LRRC56: variants seen among roughly 807,000 people sequenced by gnomAD.
LRRC56 encodes leucine rich repeat containing 56, also known as leucine-rich repeat-containing protein 56.
LRRC56 carries 41 observed loss-of-function variants against 47.8 expected under a neutral mutation model. The observed-to-expected ratio is 0.86, with a 90% CI of 0.67 to 1.11. LRRC56 has a LOEUF of 1.11. LRRC56 is among the 50% of genes most tolerant of loss of function. The pLI is 0.00. For missense variants in LRRC56, 759 were observed against 704.2 expected, an observed-to-expected ratio of 1.08 and a Z score of -0.88; for synonymous variants, 387 against 311.2, an observed-to-expected ratio of 1.24 and a Z score of -2.56.
intron 8 of LRRC56, 108 bp downstream of exon 8, chr11:550,380 C>T (rs1589816340): frequency 1.2e-5 from 12 of 1,026,496 alleles, no homozygotes; most frequent in Non-Finnish European, 1.4e-5. Context: ...CCCACCCGCA[C>T]CCTATGGCCT....
intron 5 of LRRC56, among the ~76,000 whole-genome samples, chr11:542,508 G>A (rs1008930208): frequency 2.7e-5 from 4 of 149,632 alleles, no homozygotes; most frequent in Admixed American, 1.3e-4. Context: ...TAGGAGGTGG[G>A]GAGGTCAAGC....
intron 5 of LRRC56, 63 bp from the exon 6 acceptor site, chr11:544,657 G>T: frequency 6.5e-7 from 1 of 1,549,418 alleles, no homozygotes; most frequent in African/African-American, 1.4e-5. Flanking sequence ...TAGGGGTGAA[G>T]GAGGGTGCAG....
chr11:533,200 C>G, upstream of LRRC56: 1 of 1,289,896 alleles, frequency 7.8e-7, no homozygotes, highest in Non-Finnish European at 1.1e-6. Flanking sequence ...GGAGCTGTGT[C>G]GGCCCAGGAC....
chr11:509,957 A>G, the LRRC56 span, among the ~76,000 whole-genome samples: 2 of 151,296 alleles, frequency 1.3e-5, no homozygotes, highest in Non-Finnish European at 2.9e-5. Context: ...CCCCAGTTTT[A>G]TATACCGCCC....
the LRRC56 span, among the ~76,000 whole-genome samples, chr11:531,202 C>T: frequency 2.0e-5 from 3 of 150,958 alleles, no homozygotes; most frequent in Non-Finnish European, 3.0e-5. Flanking sequence ...GAGAGAAGGG[C>T]GAGTGTGGTA....
chr11:536,747 G>A (rs948513264), upstream of LRRC56: 3 of 152,302 alleles, frequency 2.0e-5, no homozygotes, highest in Admixed American at 2.0e-4. Context: ...CTGGGCAACA[G>A]AGCGCTACTT....
At chr11:535,851 C>A (rs1192894353), upstream of LRRC56, among the ~76,000 whole-genome samples, 1 of 152,090 alleles carries the variant, frequency 6.6e-6, no homozygotes, top group Non-Finnish European at 1.5e-5. Flanking sequence ...CCGAGCAGGG[C>A]CCCGGGCTCT....
At chr11:533,879 G>C (rs730880456), upstream of LRRC56, 5 of 1,613,132 alleles carry the variant, frequency 3.1e-6, no homozygotes, top group African/African-American at 1.3e-5. Flanking sequence ...CCTCCTGGCC[G>C]GCGGTATCCA....
At chr11:553,906 G>C (rs1201020962) in intron 13 of LRRC56, 57 bp from the exon 14 acceptor site, 1 of 1,537,552 alleles carries the variant, frequency 6.5e-7, no homozygotes, top group African/African-American at 1.4e-5. Context: ...CTCCCCACCG[G>C]GTGACTCCCT....
chr11:547,857 G>A (rs1020303752), intron 6 of LRRC56, among the ~76,000 whole-genome samples: 2 of 152,114 alleles, frequency 1.3e-5, no homozygotes, highest in African/African-American at 4.8e-5. Flanking sequence ...GCCAGGTGCG[G>A]TGGCTCACAC....
chr11:533,811 AAC>A (rs778976132), upstream of LRRC56: 2 of 1,613,332 alleles, frequency 1.2e-6, no homozygotes, highest in Non-Finnish European at 1.7e-6. Flanking sequence ...GTTGATGGCA[AAC>A]ACACACAGGA....
At chr11:507,726 T>G in the LRRC56 span, among the ~76,000 whole-genome samples, 1 of 152,240 alleles carries the variant, frequency 6.6e-6, no homozygotes, top group Non-Finnish European at 1.5e-5. Flanking sequence ...GGGTCGCGAC[T>G]CTAGGCGACC....
At chr11:546,562 C>T (rs1220061425) in intron 6 of LRRC56, among the ~76,000 whole-genome samples, 4 of 129,982 alleles carry the variant, frequency 3.1e-5, no homozygotes, top group East Asian at 2.1e-4. Context: ...AGTGAGACTT[C>T]GTCTCAAAAA....
the LRRC56 span, among the ~76,000 whole-genome samples, chr11:510,737 C>G: frequency 6.7e-6 from 1 of 150,146 alleles, no homozygotes; most frequent in African/African-American, 2.5e-5. Context: ...AAAACTCCAT[C>G]TCAAAAAAAA....
upstream of LRRC56, among the ~76,000 whole-genome samples, chr11:536,368 G>A (rs1330646988): frequency 6.6e-6 from 1 of 152,064 alleles, no homozygotes; most frequent in Non-Finnish European, 1.5e-5. Flanking sequence ...GAAGTGCCCA[G>A]GGCTCACCCC....
At chr11:524,058 G>A in the LRRC56 span, among the ~76,000 whole-genome samples, 2 of 152,034 alleles carry the variant, frequency 1.3e-5, no homozygotes, top group Non-Finnish European at 2.9e-5. Flanking sequence ...ATCGGTTCTC[G>A]GTAATTGATC....
intron 6 of LRRC56, 121 bp from the exon 7 acceptor site, chr11:549,781 C>T (rs1852278414): frequency 2.7e-6 from 2 of 753,706 alleles, no homozygotes; most frequent in South Asian, 1.7e-5. Context: ...GAGCCCCTTC[C>T]TCAGTCTAGA....
intron 5 of LRRC56, among the ~76,000 whole-genome samples, chr11:542,882 C>T (rs1851871352): frequency 6.6e-6 from 1 of 152,106 alleles, no homozygotes. Context: ...TCAAATGTCA[C>T]CAGCTGTCCC....
chr11:531,062 C>G, the LRRC56 span, among the ~76,000 whole-genome samples: 3,218 of 59,948 alleles, frequency 0.054, 13 homozygotes, highest in Admixed American at 0.076. Flanking sequence ...GAGAGAAGGG[C>G]GAGTGTGGCG....
Sources: gnomAD v4.1 joint callset for allele counts (sites outside exome capture counted in the v4.1 genomes callset) on GRCh38, gnomAD v4.1.1 for gene constraint, MANE v1.5 for transcripts, NCBI Gene and HGNC (gene_info 2026-07-23, HGNC 2026-07-21) for gene names.